Variants in PCID2 observed in about 807,000 individuals in gnomAD.
PCID2 encodes PCI domain containing 2, also known as PCI domain-containing protein 2.
A neutral mutation model predicts 61.3 loss-of-function variants in PCID2; 41 were observed. That is an observed-to-expected ratio of 0.67 (90% CI 0.52 to 0.87). The LOEUF (loss-of-function observed/expected upper bound fraction) is 0.87. Ranked by LOEUF, PCID2 falls within the 40% of genes least tolerant of loss-of-function variation. The pLI is 0.00. For missense variants in PCID2, 392 were observed against 493.4 expected (o/e 0.79, Z 1.95); for synonymous variants, 187 against 177.8 (o/e 1.05, Z -0.41).
Position 113,190,958 on chromosome 13 carries a change from T to G in PCID2, c.381A>C (p.Val127=). 6.2e-7 allele frequency: 1 copy of G among 1,611,668 alleles called. No homozygotes were observed. The highest frequency in any genetic ancestry group is 1.1e-5 in the South Asian group (1 of 90,982). The part of the protein sequence containing the change: ...VFANNADQQL[V]KKGKSKVGDM... ...CCCCAACTTTGCTTTTTCCTTTCTTTACCAACTGTTGATCTGCCTAATAAA... is the reference window on the plus strand; with the variant it reads ...CCCCAACTTTGCTTTTTCCTTTCTTGACCAACTGTTGATCTGCCTAATAAA... The change falls in exon 7 of 14, where the codon GTA becomes GTC. Residue 127 remains valine, a synonymous_variant. Coordinates refer to ENST00000337344, the MANE Select transcript of PCID2 (RefSeq NM_001127202.4).
intron 7 of PCID2, chr13:113,186,741 C>T (rs1471197162): frequency 1.3e-5 from 2 of 152,206 alleles, no homozygotes; most frequent in African/African-American, 2.4e-5. Context: ...TCTTGCTCCT[C>T]GCAGCCTAGG....
the PCID2 span, among the ~76,000 whole-genome samples, chr13:113,171,387 G>C: frequency 6.6e-6 from 1 of 152,120 alleles, no homozygotes; most frequent in East Asian, 1.9e-4. This position sits in a 1 kb window ranked among gnomAD's most constrained non-coding sequence, Gnocchi z 5.1. Flanking sequence ...GTTTTTAAAG[G>C]CTGTGGCACT....
chr13:113,204,482 A>C (rs919202371), intron 1 of PCID2, among the ~76,000 whole-genome samples: 1 of 152,192 alleles, frequency 6.6e-6, no homozygotes, highest in Non-Finnish European at 1.5e-5. Flanking sequence ...ACTCACTGGT[A>C]GCCCTCCTTT....
Position 113,194,228 on chromosome 13 carries a change from G to T in PCID2, c.363+843C>A, listed in dbSNP as rs189437845. Among the ~76,000 whole-genome samples the T allele has an allele frequency of 2.0e-3, 303 of 152,306 alleles. 1 individual carries two copies. The highest frequency in any genetic ancestry group is 1.9e-3 in the Non-Finnish European group (131 of 68,016). ...GGGACGGACCTGCTGACTTCTTTGC[G>T]CCTGGCACTGGAGTGAGGCAGTGAC... On this transcript the variant is annotated intron_variant, in intron 6 of 13. Transcript: ENST00000337344.
In PCID2 at chr13:113,194,795, T is replaced by G. The variant is rs958936879; in HGVS notation, c.363+276A>C. 5.9e-5 allele frequency among the ~76,000 whole-genome samples: 9 copies of G among 152,206 alleles called. No individual in the cohort carries two copies. In the East Asian group the frequency reaches 1.7e-3, roughly 29 times the overall value. On this transcript the variant is annotated intron_variant, in intron 6 of 13. Coordinates refer to ENST00000337344, the MANE Select transcript of PCID2 (RefSeq NM_001127202.4). The stretch of plus-strand genomic sequence containing the variant: ...ATAAGCTCATTTGTTGTTGTTCCAC[T>G]CACTTCATAAAAATAACACATACCA...
chr13:113,208,566 C>G (rs748314949), intron 1 of PCID2, 33 bp downstream of exon 1: 7 of 1,603,922 alleles, frequency 4.4e-6, no homozygotes, highest in Non-Finnish European at 6.0e-6. Context: ...GAGGGCCAAC[C>G]ACGCCGCCGC....
chr13:113,175,114 C>T (rs2037167225), downstream of PCID2, among the ~76,000 whole-genome samples: 1 of 152,194 alleles, frequency 6.6e-6, no homozygotes, highest in African/African-American at 2.4e-5. Flanking sequence ...TTGTAAGTTT[C>T]CTGAGGTCCC....
downstream of PCID2, among the ~76,000 whole-genome samples, chr13:113,175,403 C>A (rs1057350075): frequency 3.9e-5 from 6 of 152,200 alleles, no homozygotes; most frequent in Admixed American, 3.9e-4. Context: ...CTATTACATC[C>A]AGAATGAAAT....
chr13:113,169,392 A>G, the PCID2 span, among the ~76,000 whole-genome samples: 3 of 152,222 alleles, frequency 2.0e-5, no homozygotes, highest in Admixed American at 2.0e-4. Flanking sequence ...GTCCTTGTCT[A>G]CTAATATCTG....
downstream of PCID2, among the ~76,000 whole-genome samples, chr13:113,174,237 C>CA (rs796254368): frequency 0.028 from 3,201 of 115,464 alleles, 147 homozygotes; most frequent in East Asian, 0.23. Flanking sequence ...GACTCCATCT[C>CA]AAAAAAAAAA....
At chr13:113,177,089 C>A (rs1001527050), downstream of PCID2, among the ~76,000 whole-genome samples, 2 of 152,224 alleles carry the variant, frequency 1.3e-5, no homozygotes, top group Admixed American at 1.3e-4. Context: ...AGTTTCCACT[C>A]TCAGTGTAGC....
the PCID2 span, chr13:113,170,428 T>C: frequency 2.5e-6 from 4 of 1,600,900 alleles, no homozygotes; most frequent in Non-Finnish European, 3.4e-6. Context: ...GTTAACAAAT[T>C]CCGAAGGAAA....
chr13:113,201,243 G>A (rs991624010), intron 1 of PCID2, among the ~76,000 whole-genome samples: 1 of 151,962 alleles, frequency 6.6e-6, no homozygotes, highest in Non-Finnish European at 1.5e-5. Flanking sequence ...TCTGTATGTA[G>A]TAAGATGAGA....
At chr13:113,184,880 CA>C (rs1472669286) in intron 8 of PCID2, among the ~76,000 whole-genome samples, 1 of 151,626 alleles carries the variant, frequency 6.6e-6, no homozygotes, top group Admixed American at 6.6e-5. Flanking sequence ...GAAGCCGTTT[CA>C]GGGGGCGCAG....
chr13:113,171,402 T>C, the PCID2 span, among the ~76,000 whole-genome samples: 6 of 152,156 alleles, frequency 3.9e-5, no homozygotes, highest in Non-Finnish European at 8.8e-5. This position sits in a 1 kb window ranked among gnomAD's most constrained non-coding sequence, Gnocchi z 5.1. Context: ...GGCACTTGGT[T>C]GCAATCGTGC....
At chr13:113,202,880 C>T (rs548685720) in intron 1 of PCID2, among the ~76,000 whole-genome samples, 1 of 152,182 alleles carries the variant, frequency 6.6e-6, no homozygotes, top group African/African-American at 2.4e-5. Flanking sequence ...GAAAGACAAA[C>T]CTTAAAATTG....
chr13:113,204,686 G>C (rs1318556755), intron 1 of PCID2, among the ~76,000 whole-genome samples: 3 of 152,204 alleles, frequency 2.0e-5, no homozygotes, highest in Admixed American at 2.0e-4. Flanking sequence ...TGTGTCCCAG[G>C]GGTGGTCCTA....
At chr13:113,168,628 A>G in the PCID2 span, among the ~76,000 whole-genome samples, 1 of 152,224 alleles carries the variant, frequency 6.6e-6, no homozygotes, top group Admixed American at 6.5e-5. Context: ...TTTGAATTTA[A>G]TTATACTGTG....
rs2039159907 is a variant in PCID2, at chr13:113,198,174, C to T, written c.200+17G>A. The T allele has an allele frequency of 1.3e-6, 2 of 1,541,380 alleles. No individual in the cohort carries two copies. Among genetic ancestry groups the T allele is most frequent in the Non-Finnish European group, 1.8e-6 (2 of 1,135,538 alleles). On this transcript the variant is annotated intron_variant, in intron 3 of 13. Coordinates refer to ENST00000337344, the MANE Select transcript of PCID2 (RefSeq NM_001127202.4). ...ATTTCCAGATGTGTGTGTTTTTCTT[C>T]CTCCCCAACAGATTACCTTAAATGA...
Sources: allele counts gnomAD v4.1 joint callset (sites outside exome capture counted in the v4.1 genomes callset), GRCh38; gene constraint gnomAD v4.1.1; non-coding constraint Gnocchi (gnomAD v3.1); transcripts MANE v1.5; gene names NCBI Gene and HGNC (gene_info 2026-07-23, HGNC 2026-07-21).